ZNF138: variants seen among roughly 807,000 people sequenced by gnomAD.
ZNF138 encodes zinc finger protein 138 (clone pHZ-32).
In ZNF138, 33 loss-of-function variants were observed where a neutral mutation model predicts 33.0. The ratio of observed to expected loss-of-function variants is 1.00; its 90% CI spans 0.76 to 1.34. The LOEUF (loss-of-function observed/expected upper bound fraction) is 1.34, where lower values mean the gene tolerates loss of function less well. ZNF138 is among the 40% of genes most tolerant of loss of function. The pLI, the probability that ZNF138 is intolerant of heterozygous loss-of-function variation, is 0.00. For missense variants in ZNF138, 360 were observed against 370.8 expected (o/e 0.97, Z 0.24); for synonymous variants, 139 against 120.4 (o/e 1.15, Z -1.01).
the ZNF138 span, among the ~76,000 whole-genome samples, chr7:64,839,075 G>T: frequency 1.3e-5 from 2 of 152,194 alleles, no homozygotes; most frequent in Non-Finnish European, 2.9e-5. Flanking sequence ...TCTGACGAGA[G>T]CGGAGGTCCC....
Position 64,833,277 on chromosome 7 carries a change from A to G in ZNF138, c.*1075A>G. 5.9e-6 allele frequency: 1 copy of G among 169,724 alleles called. No individual in the cohort carries two copies. Among genetic ancestry groups the G allele is most frequent in the Non-Finnish European group, 1.3e-5 (1 of 77,072 alleles). 10.5% of individuals were successfully genotyped at this position (169,724 alleles called of 1,614,324 possible). On this transcript the variant is annotated 3_prime_UTR_variant, in exon 4 of 4. Transcript: ENST00000307355. ...TATGAAGAATGTGGTAATGCTTTTAACCAATTCTCAAATCTTACTAAACAA... is the reference window on the plus strand; with the variant it reads ...TATGAAGAATGTGGTAATGCTTTTAGCCAATTCTCAAATCTTACTAAACAA...
the ZNF138 span, among the ~76,000 whole-genome samples, chr7:64,843,692 A>G: frequency 2.7e-5 from 1 of 36,408 alleles, no homozygotes; most frequent in Non-Finnish European, 9.7e-5. Context: ...ATGATTTGCA[A>G]ATATTTTCTC....
intron 1 of ZNF138, among the ~76,000 whole-genome samples, chr7:64,803,725 A>G (rs1787344249): frequency 6.6e-6 from 1 of 152,228 alleles, no homozygotes; most frequent in East Asian, 1.9e-4. Context: ...AAGTGTTTTA[A>G]TTGGATTATG....
rs1303560923 is a variant in ZNF138, at chr7:64,815,639, T to A, written c.194T>A (p.Val65Glu). Reference protein sequence around the residue: ...PWNMKRHEMVVAKHSALCSRF... With the variant: ...PWNMKRHEMVEAKHSALCSRF... ...AATATGAAGAGACATGAGATGGTGG[T>A]AGCCAAACATTCAGGTAGGTGAGAG... Residue 65 changes from valine (V) to glutamate (E), a missense_variant, in exon 3 of 4, where the codon GTA becomes GAA. Physicochemically the swap from Val to Glu is moderately radical, Grantham distance 121. Transcript: ENST00000307355. 6.2e-7 allele frequency: 1 copy of A among 1,611,514 alleles called. No homozygotes were observed. The highest frequency in any genetic ancestry group is 8.5e-7 in the Non-Finnish European group (1 of 1,178,794).
At chr7:64,839,220 CAGGCAACT>C in the ZNF138 span, among the ~76,000 whole-genome samples, 6 of 152,350 alleles carry the variant, frequency 3.9e-5, no homozygotes, top group South Asian at 1.2e-3. Flanking sequence ...ATATTGCGGC[CAGGCAACT>C]GTGCAGAAGA....
chr7:64,802,562 C>T (rs1308465945), intron 1 of ZNF138, among the ~76,000 whole-genome samples: 1 of 151,650 alleles, frequency 6.6e-6, no homozygotes, highest in Non-Finnish European at 1.5e-5. Context: ...ACGCCAGAGT[C>T]AGATTGGAAA....
At chr7:64,807,176 C>T (rs936925231) in intron 1 of ZNF138, among the ~76,000 whole-genome samples, 15 of 152,324 alleles carry the variant, frequency 9.8e-5, no homozygotes, top group African/African-American at 1.7e-4. Context: ...TTAATGAATA[C>T]GTGGGTAAAT....
intron 3 of ZNF138, among the ~76,000 whole-genome samples, chr7:64,827,111 ATT>A (rs36019796): frequency 3.9e-4 from 58 of 148,816 alleles, no homozygotes; most frequent in Middle Eastern, 3.5e-3. Flanking sequence ...TCATTTTAGC[ATT>A]TTTTTTTTTT....
chr7:64,841,685 C>T, the ZNF138 span, among the ~76,000 whole-genome samples: 2 of 152,116 alleles, frequency 1.3e-5, no homozygotes, highest in African/African-American at 4.8e-5. Flanking sequence ...TCATCACAGC[C>T]CCTCTCCCTT....
intron 3 of ZNF138, among the ~76,000 whole-genome samples, chr7:64,827,915 T>C (rs1009541444): frequency 2.0e-5 from 3 of 152,196 alleles, no homozygotes; most frequent in Non-Finnish European, 2.9e-5. Context: ...CTGTACAATT[T>C]AAGACAGTGT....
At chr7:64,850,076 G>A in the ZNF138 span, among the ~76,000 whole-genome samples, 306 of 152,318 alleles carry the variant, frequency 2.0e-3, no homozygotes, top group Non-Finnish European at 1.9e-3. Flanking sequence ...CCCCTTTGAC[G>A]CAAGTCTAAA....
At chr7:64,827,230 CT>C (rs1789696872) in intron 3 of ZNF138, among the ~76,000 whole-genome samples, 1 of 147,742 alleles carries the variant, frequency 6.8e-6, no homozygotes, top group Admixed American at 6.9e-5. Flanking sequence ...GGATGAGCCA[CT>C]GTGCTTGGCC....
chr7:64,808,527 C>A (rs189965116), intron 1 of ZNF138, among the ~76,000 whole-genome samples: 1 of 151,942 alleles, frequency 6.6e-6, no homozygotes, highest in Non-Finnish European at 1.5e-5. Flanking sequence ...TTGTAACTTA[C>A]GAGGTCATTT....
In ZNF138 at chr7:64,794,472, C is replaced by A. The variant is rs555341085; in HGVS notation, c.-97C>A. 6 of 1,573,844 alleles carry A rather than the reference C, an allele frequency of 3.8e-6. No individual in the cohort carries two copies. In the South Asian group the frequency reaches 6.6e-5, roughly 17 times the overall value. On this transcript the variant is annotated 5_prime_UTR_variant, in exon 1 of 4. Transcript: ENST00000307355. ...TGCAGGTCTGGCCTTCACTTTTCTG[C>A]GTCCTCTTACTCCTAGAGGCCCAGC...
chr7:64,846,115 G>T, the ZNF138 span, among the ~76,000 whole-genome samples: 1 of 152,134 alleles, frequency 6.6e-6, no homozygotes, highest in East Asian at 1.9e-4. Context: ...TGCTCCGTTG[G>T]CCTACGTGCC....
intron 1 of ZNF138, among the ~76,000 whole-genome samples, chr7:64,802,482 T>G (rs1193587644): frequency 6.6e-6 from 1 of 152,140 alleles, no homozygotes; most frequent in East Asian, 1.9e-4. Flanking sequence ...CAGGGCAATT[T>G]CAAGGCATGG....
At chr7:64,821,875 C>G (rs1197720509) in intron 3 of ZNF138, among the ~76,000 whole-genome samples, 1 of 145,786 alleles carries the variant, frequency 6.9e-6, no homozygotes, top group Non-Finnish European at 1.5e-5. Flanking sequence ...TTTATGTATT[C>G]TGAATATAAC....
chr7:64,803,366 A>G (rs1051879668), intron 1 of ZNF138, among the ~76,000 whole-genome samples: 1 of 151,700 alleles, frequency 6.6e-6, no homozygotes, highest in African/African-American at 2.4e-5. Flanking sequence ...CAAAGATAGG[A>G]TTACATTTAG....
chr7:64,831,167 A>G, intron 3 of ZNF138: 1 of 1,486,458 alleles, frequency 6.7e-7, no homozygotes, highest in Non-Finnish European at 9.0e-7. Flanking sequence ...GGGGAACAGA[A>G]AGAGCTGTGT....
Sources: gnomAD v4.1 joint callset for allele counts (sites outside exome capture counted in the v4.1 genomes callset) on GRCh38, gnomAD v4.1.1 for gene constraint, MANE v1.5 for transcripts, NCBI Gene and HGNC (gene_info 2026-07-23, HGNC 2026-07-21) for gene names.